SLC37A1: variants seen among roughly 807,000 people sequenced by gnomAD.
SLC37A1 encodes glucose-6-phosphate exchanger SLC37A1.
A neutral mutation model predicts 75.3 loss-of-function variants in SLC37A1; 49 were observed. That is an observed-to-expected ratio of 0.65 (90% CI 0.52 to 0.83). The LOEUF (loss-of-function observed/expected upper bound fraction) is 0.83. Ranked by LOEUF, SLC37A1 falls within the 40% of genes least tolerant of loss-of-function variation. SLC37A1 has a pLI of 0.00. For synonymous variants in SLC37A1, 268 were observed against 292.1 expected (o/e 0.92, Z 0.84); for missense variants, 566 against 695.0 (o/e 0.81, Z 2.09).
rs1386958933 is a variant in SLC37A1 at position 42,565,889 on chromosome 21, C to G, written c.1270+14C>G. ...AGGCCACCATCGGTGAGTATGGAGG[C>G]CTTCCTGCTTTTCTTCCACACACGT... On this transcript the variant is annotated intron_variant, in intron 15 of 19. Coordinates refer to ENST00000352133, the MANE Select transcript of SLC37A1 (RefSeq NM_001320537.2). 1.2e-6 allele frequency: 2 copies of G among 1,612,048 alleles called. No homozygotes were observed. The highest frequency in any genetic ancestry group is 1.7e-5 in the Admixed American group (1 of 59,718).
chr21:42,562,023 C>A, intron 11 of SLC37A1, 55 bp from the exon 12 acceptor site: 1 of 1,418,708 alleles, frequency 7.0e-7, no homozygotes, highest in Non-Finnish European at 1.0e-6. Flanking sequence ...TGCATGTTTA[C>A]ACACACCTGC....
chr21:42,559,890 A>C (rs1208388603), intron 11 of SLC37A1, among the ~76,000 whole-genome samples: 1 of 147,534 alleles, frequency 6.8e-6, no homozygotes, highest in Non-Finnish European at 1.5e-5. Flanking sequence ...AAAAAAAAAA[A>C]CCCAAAAAGT....
intron 18 of SLC37A1, among the ~76,000 whole-genome samples, chr21:42,576,426 TA>T (rs2056310805): frequency 6.6e-6 from 1 of 151,864 alleles, no homozygotes; most frequent in African/African-American, 2.4e-5. Flanking sequence ...CAGAAGCAAA[TA>T]GGGACAAATC....
intron 9 of SLC37A1, 75 bp from the exon 10 acceptor site, chr21:42,553,987 T>C: frequency 7.9e-7 from 1 of 1,264,204 alleles, no homozygotes; most frequent in Non-Finnish European, 1.1e-6. Flanking sequence ...GTAAGTATCC[T>C]TGCTACAGTA....
At chr21:42,500,766 G>A (rs2054334600) in intron 1 of SLC37A1, among the ~76,000 whole-genome samples, 1 of 152,180 alleles carries the variant, frequency 6.6e-6, no homozygotes, top group Non-Finnish European at 1.5e-5. Context: ...TAAGGGTGGG[G>A]AGAGACTGAA....
chr21:42,570,330 C>CCGTTGCCA (rs1569041946), intron 17 of SLC37A1, among the ~76,000 whole-genome samples: 1 of 151,906 alleles, frequency 6.6e-6, no homozygotes, highest in African/African-American at 2.4e-5. Flanking sequence ...GGCAGGGTGG[C>CCGTTGCCA]TGTTGCTCAG....
chr21:42,573,866 C>A (rs1207324532), intron 17 of SLC37A1, among the ~76,000 whole-genome samples: 1 of 152,206 alleles, frequency 6.6e-6, no homozygotes, highest in East Asian at 1.9e-4. Context: ...AAAACACATT[C>A]TTAAACAGCA....
At chr21:42,538,647 T>C (rs2055199745) in intron 5 of SLC37A1, among the ~76,000 whole-genome samples, 1 of 152,216 alleles carries the variant, frequency 6.6e-6, no homozygotes, top group Non-Finnish European at 1.5e-5. Flanking sequence ...GTCACAATGT[T>C]AAGTTGGTCC....
chr21:42,581,407 A>G lies in SLC37A1; in HGVS notation c.*1047A>G, dbSNP rs1446288914. The stretch of plus-strand genomic sequence containing the variant: ...AAATACTTATCTGCCCTTTGAAATA[A>G]AATGTTTTTGTTTAAAAAATCTCAG... On this transcript the variant is annotated 3_prime_UTR_variant, in exon 20 of 20. Coordinates refer to ENST00000352133, the MANE Select transcript of SLC37A1 (RefSeq NM_001320537.2). The G allele has an allele frequency of 6.6e-6, 1 of 152,658 alleles. No homozygotes were observed. The highest frequency in any genetic ancestry group is 1.5e-5 in the Non-Finnish European group (1 of 68,050). The allele number at this position is 152,658 out of a possible 1,614,324, so 9.5% of individuals were successfully genotyped here.
intron 12 of SLC37A1, among the ~76,000 whole-genome samples, chr21:42,563,150 G>A (rs1040647206): frequency 2.6e-5 from 4 of 152,100 alleles, no homozygotes; most frequent in South Asian, 2.1e-4. Context: ...TGTGACCCCC[G>A]CCTCACTTTG....
chr21:42,567,314 G>A (rs1459018761), intron 16 of SLC37A1, among the ~76,000 whole-genome samples: 2 of 152,222 alleles, frequency 1.3e-5, no homozygotes, highest in Non-Finnish European at 2.9e-5. Flanking sequence ...CATGACTCAG[G>A]CGCCTTTTCA....
chr21:42,510,305 C>T (rs1421682317), upstream of SLC37A1, among the ~76,000 whole-genome samples: 2 of 152,104 alleles, frequency 1.3e-5, no homozygotes, highest in Admixed American at 6.5e-5. Context: ...GGATTACAGG[C>T]GAGAGCCATA....
At chr21:42,531,304 CCCACCCT>C (rs1161255590) in intron 3 of SLC37A1, among the ~76,000 whole-genome samples, 1 of 151,526 alleles carries the variant, frequency 6.6e-6, no homozygotes, top group Non-Finnish European at 1.5e-5. Flanking sequence ...TTCTCCCACC[CCCACCCT>C]CCACCCGCGA....
At chr21:42,517,154 G>T (rs775098160) in intron 1 of SLC37A1, among the ~76,000 whole-genome samples, 3 of 152,192 alleles carry the variant, frequency 2.0e-5, no homozygotes, top group African/African-American at 7.2e-5. Context: ...CATTTACTAC[G>T]TACCAGGCCA....
At chr21:42,567,856 T>G (rs1333545550) in intron 16 of SLC37A1, among the ~76,000 whole-genome samples, 1 of 152,164 alleles carries the variant, frequency 6.6e-6, no homozygotes, top group Non-Finnish European at 1.5e-5. Context: ...TGCGCCAGCC[T>G]TGGTTTCTCA....
rs149321470 is a variant in SLC37A1, at chr21:42,542,443, G to A, written c.526G>A (p.Val176Ile). Residue 176 changes from valine (V) to isoleucine (I), a missense_variant, in exon 7 of 20, where the codon GTC becomes ATC. Transcript: ENST00000352133. ...GGTGCAGACCACCGGCTGGCCCAGC[G>A]TCGTCACCTGCCTCGGCAACTGGTT... ...GLVQTTGWPS[V>I]VTCLGNWFGK... 3.2e-5 allele frequency: 52 copies of A among 1,613,898 alleles called. No individual in the cohort carries two copies. The highest frequency in any genetic ancestry group is 1.9e-4 in the African/African-American group (14 of 74,930).
At chr21:42,561,929 C>T in intron 11 of SLC37A1, 149 bp from the exon 12 acceptor site, 1 of 680,828 alleles carries the variant, frequency 1.5e-6, no homozygotes, top group Non-Finnish European at 2.6e-6. Context: ...CGGTGCAGCA[C>T]CCTCCCCAGT....
chr21:42,500,108 A>AT (rs916355223), intron 1 of SLC37A1, among the ~76,000 whole-genome samples: 49 of 150,310 alleles, frequency 3.3e-4, no homozygotes, highest in East Asian at 2.5e-3. Context: ...ATGCAAACAG[A>AT]TTTTTTTTTT....
upstream of SLC37A1, among the ~76,000 whole-genome samples, chr21:42,510,184 C>T (rs1229834612): frequency 1.1e-4 from 16 of 152,200 alleles, no homozygotes; most frequent in African/African-American, 3.6e-4. Context: ...CACACTACCA[C>T]GCCCAGCTAA....
Sources: gnomAD v4.1 joint callset for allele counts (sites outside exome capture counted in the v4.1 genomes callset) on GRCh38, gnomAD v4.1.1 for gene constraint, MANE v1.5 for transcripts, NCBI Gene and HGNC (gene_info 2026-07-23, HGNC 2026-07-21) for gene names.